The following DENND4A variants were observed in gnomAD, a reference collection of about 807,000 sequenced individuals.
The protein encoded by DENND4A is DENN domain containing 4A.
In DENND4A, 70 loss-of-function variants were observed where a neutral mutation model predicts 199.3. The ratio of observed to expected loss-of-function variants is 0.35; its 90% CI spans 0.29 to 0.43. The LOEUF is 0.43. Ranked by LOEUF, DENND4A falls within the 20% of genes least tolerant of loss-of-function variation. The pLI is 1.00. For synonymous variants in DENND4A, 686 were observed against 766.9 expected, an observed-to-expected ratio of 0.89 and a Z score of 1.74; for missense variants, 1,723 against 2,255.8, an observed-to-expected ratio of 0.76 and a Z score of 4.78.
intron 12 of DENND4A, among the ~76,000 whole-genome samples, chr15:65,722,607 T>C (rs2075681780): frequency 6.6e-6 from 1 of 151,808 alleles, no homozygotes; most frequent in Non-Finnish European, 1.5e-5. Context: ...GTAGATATAA[T>C]ATACATATTT....
chr15:65,724,503 A>AG (rs2075746459), intron 11 of DENND4A, among the ~76,000 whole-genome samples: 1 of 152,132 alleles, frequency 6.6e-6, no homozygotes, highest in East Asian at 1.9e-4. Context: ...AACATAGCAC[A>AG]GGTGTGTAGT....
intron 14 of DENND4A, among the ~76,000 whole-genome samples, chr15:65,706,495 C>CACACACAT: frequency 1.1e-5 from 1 of 88,348 alleles, no homozygotes; most frequent in Middle Eastern, 6.4e-3. Flanking sequence ...CACACACACA[C>CACACACAT]ATATATATAT....
chr15:65,689,991 T>C (rs1408682578), intron 23 of DENND4A, among the ~76,000 whole-genome samples: 1 of 152,188 alleles, frequency 6.6e-6, no homozygotes, highest in Non-Finnish European at 1.5e-5. Flanking sequence ...CTCTATTTCA[T>C]CTAGCTTTTA....
At chr15:65,781,681 C>T (rs1003528749) in intron 1 of DENND4A, among the ~76,000 whole-genome samples, 5 of 152,052 alleles carry the variant, frequency 3.3e-5, no homozygotes, top group East Asian at 1.9e-4. Context: ...CCAGTTTGGA[C>T]AAGAAGAGAT....
Position 65,756,455 on chromosome 15 carries a change from C to G in DENND4A, c.-5G>C. 1 of 1,597,100 alleles carries G rather than the reference C, an allele frequency of 6.3e-7. No individual in the cohort carries two copies. Among genetic ancestry groups the G allele is most frequent in the Non-Finnish European group, 8.5e-7 (1 of 1,173,250 alleles). ...AGGCCCCTTGTCTTCAATCATCTTC[C>G]ATTACAGAAGGTTACATCTAAAAGG... On this transcript the variant is annotated 5_prime_UTR_variant, in exon 3 of 33. The change abolishes an upstream ATG in the 5' untranslated region. Transcript: ENST00000443035.
chr15:65,715,185 G>A (rs1227019466), intron 14 of DENND4A: 3 of 228,600 alleles, frequency 1.3e-5, no homozygotes, highest in African/African-American at 4.6e-5. Context: ...AGTTGGAGGT[G>A]CACAGGCTGG....
rs372242903 is a variant in DENND4A, at chr15:65,667,147, T to C, written c.5241+302A>G. 2.6e-4 allele frequency among the ~76,000 whole-genome samples: 39 copies of C among 152,086 alleles called. No individual in the cohort carries two copies. In the East Asian group the frequency reaches 7.0e-3, roughly 27 times the overall value. ...GAAATCAAGACCATCCTGGCCAACA[T>C]GGTGAAACCCCGTCTCTACTAAAAA... is the stretch of plus-strand genomic sequence containing the variant. On this transcript the variant is annotated intron_variant, in intron 29 of 32. Coordinates refer to ENST00000443035, the MANE Select transcript of DENND4A (RefSeq NM_001320835.1).
intron 14 of DENND4A, 93 bp from the exon 15 acceptor site, chr15:65,706,317 A>G (rs1471588869): frequency 1.4e-5 from 17 of 1,205,446 alleles, no homozygotes; most frequent in Non-Finnish European, 1.9e-5. Flanking sequence ...CATCTGCACA[A>G]TGGATACTAA....
intron 23 of DENND4A, among the ~76,000 whole-genome samples, chr15:65,685,960 G>C (rs1044295688): frequency 2.0e-5 from 3 of 152,178 alleles, no homozygotes; most frequent in Admixed American, 2.0e-4. Context: ...TGGGAAGTGT[G>C]AGTCCTCCAA....
intron 1 of DENND4A, among the ~76,000 whole-genome samples, chr15:65,761,938 A>G (rs1031101820): frequency 6.6e-6 from 1 of 152,234 alleles, no homozygotes; most frequent in African/African-American, 2.4e-5. Flanking sequence ...CAAAGATACT[A>G]CAGTCAGCCT....
At chr15:65,783,644 TG>T (rs1198073261) in intron 1 of DENND4A, among the ~76,000 whole-genome samples, 13 of 152,150 alleles carry the variant, frequency 8.5e-5, no homozygotes, top group Admixed American at 7.9e-4. Flanking sequence ...AAGATGAGTC[TG>T]GAACTTCTTC....
chr15:65,785,191 G>A (rs1000904125), intron 1 of DENND4A, among the ~76,000 whole-genome samples: 16 of 151,152 alleles, frequency 1.1e-4, no homozygotes, highest in African/African-American at 3.6e-4. Context: ...AATGAAAGCC[G>A]AAATACAAAG....
intron 1 of DENND4A, among the ~76,000 whole-genome samples, chr15:65,786,399 T>TC (rs1047862600): frequency 3.3e-5 from 5 of 151,996 alleles, no homozygotes; most frequent in African/African-American, 1.2e-4. Flanking sequence ...TTGTTTTTTT[T>TC]CTAGTGCCAG....
At chr15:65,687,749 G>A (rs1397447379) in intron 23 of DENND4A, among the ~76,000 whole-genome samples, 1 of 152,046 alleles carries the variant, frequency 6.6e-6, no homozygotes, top group African/African-American at 2.4e-5. Flanking sequence ...TTATGGCTCC[G>A]TAGGTAATGA....
rs1391146033 is a variant in DENND4A, at chr15:65,670,307, C to CACAA, written c.4465-123_4465-120dup. 1.8e-5 allele frequency: 14 copies of CACAA among 795,708 alleles called. No homozygotes were observed. The African/African-American group carries it at 2.4e-4, about 14-fold the overall frequency. The allele number at this position is 795,708 out of a possible 1,614,324, so 49.3% of individuals were successfully genotyped here. On this transcript the variant is annotated intron_variant, in intron 25 of 32. Coordinates refer to ENST00000443035, the MANE Select transcript of DENND4A (RefSeq NM_001320835.1). ...AACCCAGAAGGATTCAGATGCTATA[C>CACAA]ACAAACACTGGATTACATCAGTGTA...
In DENND4A at chr15:65,724,186, C is replaced by A. The variant is rs190344328; in HGVS notation, c.1488-1238G>T. ...GTCCTCCCAAGCAGGCCTCAGCCTC[C>A]CAAGCAGCTGAGACTACAGGCGCGC... is the stretch of plus-strand genomic sequence containing the variant. On this transcript the variant is annotated intron_variant, in intron 11 of 32. Coordinates refer to ENST00000443035, the MANE Select transcript of DENND4A (RefSeq NM_001320835.1). Among the ~76,000 whole-genome samples, 168 of 152,172 alleles carry A rather than the reference C, an allele frequency of 1.1e-3. 1 individual carries two copies. Among genetic ancestry groups the A allele is most frequent in the Non-Finnish European group, 1.4e-3 (96 of 68,016 alleles).
chr15:65,765,775 A>G (rs2076968540), intron 1 of DENND4A, among the ~76,000 whole-genome samples: 1 of 152,184 alleles, frequency 6.6e-6, no homozygotes, highest in Admixed American at 6.5e-5. Flanking sequence ...ATTACCAAAG[A>G]CAAGATGCAG....
chr15:65,791,325 A>G (rs2077714054), intron 1 of DENND4A, among the ~76,000 whole-genome samples: 1 of 152,244 alleles, frequency 6.6e-6, no homozygotes, highest in African/African-American at 2.4e-5. Flanking sequence ...TAAAAGCACG[A>G]TAATGAAAAG....
intron 21 of DENND4A, 143 bp from the exon 22 acceptor site, chr15:65,696,640 A>G: frequency 1.8e-6 from 1 of 544,976 alleles, no homozygotes; most frequent in Non-Finnish European, 3.2e-6. Flanking sequence ...CTGTTTGTCA[A>G]CCACAAATAA....
Sources: allele counts gnomAD v4.1 joint callset (sites outside exome capture counted in the v4.1 genomes callset), GRCh38; gene constraint gnomAD v4.1.1; transcripts MANE v1.5; gene names NCBI Gene and HGNC (gene_info 2026-07-23, HGNC 2026-07-21).